The following SLC4A4 variants were observed in gnomAD, a reference collection of about 807,000 sequenced individuals.
SLC4A4 encodes the protein electrogenic sodium bicarbonate cotransporter 1.
A neutral mutation model predicts 111.5 loss-of-function variants in SLC4A4; 27 were observed. That is an observed-to-expected ratio of 0.24 (90% CI 0.18 to 0.33). SLC4A4 has a LOEUF of 0.33. Among genes scored for constraint, SLC4A4 ranks in the 10% least tolerant of loss-of-function variants. The pLI is 1.00. For synonymous variants in SLC4A4, 443 were observed against 463.4 expected, an observed-to-expected ratio of 0.96 and a Z score of 0.57; for missense variants, 909 against 1,315.5, an observed-to-expected ratio of 0.69 and a Z score of 4.78.
intron 7 of SLC4A4, among the ~76,000 whole-genome samples, chr4:71,411,500 C>T (rs549084145): frequency 6.6e-6 from 1 of 152,040 alleles, no homozygotes; most frequent in Non-Finnish European, 1.5e-5. Context: ...ACATGTTTAT[C>T]TTCACTAATA....
At chr4:71,453,860 C>T (rs952172232) in intron 12 of SLC4A4, among the ~76,000 whole-genome samples, 191 bp downstream of exon 12, 1 of 151,980 alleles carries the variant, frequency 6.6e-6, no homozygotes, top group South Asian at 2.1e-4. Flanking sequence ...AAAAATAGCT[C>T]GATGAAATCT....
chr4:71,343,659 C>T (rs1249179581), intron 4 of SLC4A4, among the ~76,000 whole-genome samples: 1 of 152,224 alleles, frequency 6.6e-6, no homozygotes, highest in Non-Finnish European at 1.5e-5. Flanking sequence ...GATTTCACTA[C>T]ATCTCACATT....
chr4:71,166,981 T>A (rs1326545382), intron 2 of SLC4A4, among the ~76,000 whole-genome samples: 1 of 152,156 alleles, frequency 6.6e-6, no homozygotes, highest in African/African-American at 2.4e-5. Context: ...GATGAATTAT[T>A]ACAAAACTTA....
At chr4:71,441,845 T>C (rs1434275992) in intron 8 of SLC4A4, among the ~76,000 whole-genome samples, 1 of 152,256 alleles carries the variant, frequency 6.6e-6, no homozygotes, top group Non-Finnish European at 1.5e-5. Flanking sequence ...AGGGCTGTTA[T>C]TGGACAAATA....
intron 1 of SLC4A4, among the ~76,000 whole-genome samples, chr4:71,221,686 A>G (rs1003036361): frequency 1.3e-5 from 2 of 152,194 alleles, no homozygotes; most frequent in African/African-American, 4.8e-5. Context: ...TCAAGTGGCA[A>G]CAACTTGAGT....
chr4:71,297,674 G>A (rs1490801744), intron 3 of SLC4A4, among the ~76,000 whole-genome samples: 1 of 143,192 alleles, frequency 7.0e-6, no homozygotes, highest in African/African-American at 2.6e-5. Flanking sequence ...TGCAACCTCC[G>A]CCTCCGAGGT....
chr4:71,233,085 G>A (rs372755521), intron 1 of SLC4A4, among the ~76,000 whole-genome samples: 1 of 152,272 alleles, frequency 6.6e-6, no homozygotes, highest in African/African-American at 2.4e-5. Context: ...GTAATGGATG[G>A]GTTCTTGTCT....
intron 2 of SLC4A4, among the ~76,000 whole-genome samples, chr4:71,112,026 G>A (rs1743104262): frequency 6.6e-6 from 1 of 152,134 alleles, no homozygotes; most frequent in African/African-American, 2.4e-5. Flanking sequence ...CAGACTGCTG[G>A]CAGTTTTGAC....
chr4:71,357,180 T>G lies in SLC4A4; in HGVS notation c.723T>G (p.Pro241=). The change falls in exon 6 of 26, where the codon CCT becomes CCG. Residue 241 remains proline, a synonymous_variant. Coordinates refer to ENST00000264485, the MANE Select transcript of SLC4A4 (RefSeq NM_001098484.3). ...VSSASRMFTN[P]DNGSPAMTHR... Reference sequence around the variant, plus strand: ...GTGCAAGTAGGATGTTTACCAACCCTGATAATGGTAATGCAGAGGCCAGCT... The same window carrying G: ...GTGCAAGTAGGATGTTTACCAACCCGGATAATGGTAATGCAGAGGCCAGCT... 1 of 1,614,070 alleles carries G rather than the reference T, an allele frequency of 6.2e-7. No homozygotes were observed. Among genetic ancestry groups the G allele is most frequent in the African/African-American group, 1.3e-5 (1 of 75,052 alleles).
In SLC4A4 at chr4:71,497,484, A is replaced by T. The variant is rs370124993; in HGVS notation, c.1975-17A>T. ...GTCAATGTTCTCTAGAAAAATTTTAATGTTTTTCTTCTTCAGTACCATAAT... is the reference window on the plus strand; with the variant it reads ...GTCAATGTTCTCTAGAAAAATTTTATTGTTTTTCTTCTTCAGTACCATAAT... On this transcript the variant is annotated splice_polypyrimidine_tract_variant and intron_variant, in intron 15 of 25. Transcript: ENST00000264485. 1 of 1,607,636 alleles carries T rather than the reference A, an allele frequency of 6.2e-7. No individual in the cohort carries two copies. Among genetic ancestry groups the T allele is most frequent in the Non-Finnish European group, 8.5e-7 (1 of 1,175,162 alleles).
At chr4:71,422,014 C>T (rs1722562002) in intron 7 of SLC4A4, among the ~76,000 whole-genome samples, 3 of 151,528 alleles carry the variant, frequency 2.0e-5, no homozygotes, top group African/African-American at 7.3e-5. Context: ...AATAGAGACA[C>T]AAAAAACCCT....
intron 15 of SLC4A4, among the ~76,000 whole-genome samples, chr4:71,495,612 T>C (rs1382282432): frequency 6.6e-6 from 1 of 152,030 alleles, no homozygotes; most frequent in Non-Finnish European, 1.5e-5. Flanking sequence ...TTGAGCTCTA[T>C]AAAAAAATGA....
At chr4:71,140,435 C>T (rs1039599466) in intron 2 of SLC4A4, among the ~76,000 whole-genome samples, 2 of 152,144 alleles carry the variant, frequency 1.3e-5, no homozygotes, top group East Asian at 1.9e-4. Context: ...ACAAAACAAA[C>T]AAACAAAACC....
chr4:71,374,661 A>C (rs1475150525), intron 6 of SLC4A4, among the ~76,000 whole-genome samples: 1 of 152,232 alleles, frequency 6.6e-6, no homozygotes, highest in African/African-American at 2.4e-5. Context: ...TAAATAGAGA[A>C]AATCAAGATG....
intron 6 of SLC4A4, among the ~76,000 whole-genome samples, chr4:71,372,846 G>GTT (rs796832515): frequency 2.8e-5 from 4 of 141,142 alleles, no homozygotes; most frequent in African/African-American, 1.0e-4. Context: ...TGTTTTCTTT[G>GTT]TTTTTTTTTT....
At chr4:71,111,101 A>G (rs1358417030) in intron 2 of SLC4A4, among the ~76,000 whole-genome samples, 1 of 152,166 alleles carries the variant, frequency 6.6e-6, no homozygotes, top group East Asian at 1.9e-4. Flanking sequence ...TATTTACAGG[A>G]TAAAAAAATT....
intron 20 of SLC4A4, among the ~76,000 whole-genome samples, chr4:71,548,128 A>C (rs968115078): frequency 6.6e-6 from 1 of 151,790 alleles, no homozygotes; most frequent in African/African-American, 2.4e-5. Context: ...CTCTTCCCTC[A>C]TTAGGCTCCT....
chr4:71,243,303 T>C (rs901685134), intron 2 of SLC4A4, among the ~76,000 whole-genome samples: 1 of 152,186 alleles, frequency 6.6e-6, no homozygotes, highest in Non-Finnish European at 1.5e-5. Flanking sequence ...GGCCATTATG[T>C]AATTTAGGTG....
chr4:71,567,023 C>G lies in SLC4A4; in HGVS notation c.3216C>G (p.Phe1072Leu), dbSNP rs776616025. The G allele has an allele frequency of 1.2e-6, 2 of 1,610,068 alleles. No homozygotes were observed. The highest frequency in any genetic ancestry group is 1.7e-6 in the Non-Finnish European group (2 of 1,177,440). The change falls in exon 25 of 26, where the codon TTC (phenylalanine) becomes TTG (leucine). Residue 1072 changes from phenylalanine (F) to leucine (L), a missense_variant. Coordinates refer to ENST00000264485, the MANE Select transcript of SLC4A4 (RefSeq NM_001098484.3). ...TTCCAGGAGAAAGATCACCAACATTCCTTGAACGCCACACATCATGCTGAT... is the reference window on the plus strand; with the variant it reads ...TTCCAGGAGAAAGATCACCAACATTGCTTGAACGCCACACATCATGCTGAT... The part of the protein sequence containing the change: ...KPSDRERSPT[F>L]LERHTSC
Sources: allele counts gnomAD v4.1 joint callset (sites outside exome capture counted in the v4.1 genomes callset), GRCh38; gene constraint gnomAD v4.1.1; transcripts MANE v1.5; gene names NCBI Gene and HGNC (gene_info 2026-07-23, HGNC 2026-07-21).